Variants in RREB1 observed in about 807,000 individuals in gnomAD.
RREB1 encodes the protein ras-responsive element-binding protein 1.
In RREB1, 27 loss-of-function variants were observed where a neutral mutation model predicts 117.8. That is an observed-to-expected ratio of 0.23 (90% CI 0.17 to 0.32). The LOEUF (loss-of-function observed/expected upper bound fraction) is 0.32. Among genes scored for constraint, RREB1 ranks in the 10% least tolerant of loss-of-function variants. RREB1 has a pLI of 1.00. For synonymous variants in RREB1, 1,298 were observed against 1,026.7 expected (o/e 1.26, Z -5.05); for missense variants, 2,577 against 2,378.2 (o/e 1.08, Z -1.74).
chr6:7,141,530 A>G (rs1762589941), intron 1 of RREB1, among the ~76,000 whole-genome samples: 1 of 152,238 alleles, frequency 6.6e-6, no homozygotes, highest in East Asian at 1.9e-4. Context: ...TTAAATTTTC[A>G]CAAGATTTGC....
chr6:7,128,788 G>C (rs1212921245), intron 1 of RREB1, among the ~76,000 whole-genome samples: 1 of 152,146 alleles, frequency 6.6e-6, no homozygotes, highest in Admixed American at 6.5e-5. Context: ...GGCCAATATG[G>C]TGAAACCCCA....
Position 7,138,093 on chromosome 6 carries a change from C to T in RREB1, c.-285+30033C>T, listed in dbSNP as rs562797485. Among the ~76,000 whole-genome samples the T allele has an allele frequency of 3.7e-4, 56 of 152,218 alleles. 1 individual carries two copies. The highest frequency in any genetic ancestry group is 3.5e-3 in the South Asian group (17 of 4,816). ...CAGATGGCATTAGACACCCTTTGTG[C>T]ACTTTAACTCAAGGATGTTAAAGAC... is the stretch of plus-strand genomic sequence containing the variant. On this transcript the variant is annotated intron_variant, in intron 1 of 12. Transcript: ENST00000379938.
chr6:7,211,338 A>AGATGGATG (rs555086914), intron 7 of RREB1, among the ~76,000 whole-genome samples: 42,460 of 118,096 alleles, frequency 0.36, 8,100 homozygotes, highest in Non-Finnish European at 0.4. Flanking sequence ...ATGGATGGAC[A>AGATGGATG]GATGGATGGA....
chr6:7,160,677 CT>C (rs35328818), intron 1 of RREB1, among the ~76,000 whole-genome samples: 140 of 147,430 alleles, frequency 9.5e-4, no homozygotes, highest in African/African-American at 2.4e-3. Context: ...ACCTGGATAA[CT>C]TTTTTTTTTT....
intron 1 of RREB1, among the ~76,000 whole-genome samples, chr6:7,164,595 A>C (rs768700756): frequency 1.5e-4 from 23 of 152,190 alleles, no homozygotes; most frequent in African/African-American, 4.8e-4. Flanking sequence ...ATAAGTGACA[A>C]GCACAGTCTC....
chr6:7,216,303 ACTT>A (rs1766896510), intron 8 of RREB1: 3 of 152,058 alleles, frequency 2.0e-5, no homozygotes, highest in Admixed American at 6.6e-5. Context: ...TGGATGCAAA[ACTT>A]CTCCTTGGGA....
At chr6:7,121,475 C>T (rs953464864) in intron 1 of RREB1, among the ~76,000 whole-genome samples, 3 of 152,158 alleles carry the variant, frequency 2.0e-5, no homozygotes, top group African/African-American at 7.2e-5. Context: ...TCAGTGGTCA[C>T]CCGATGCCCT....
intron 10 of RREB1, 111 bp downstream of exon 10, chr6:7,232,018 T>C: frequency 8.4e-7 from 1 of 1,187,284 alleles, no homozygotes; most frequent in Non-Finnish European, 1.2e-6. Flanking sequence ...TATTCCTAGC[T>C]TGGCTTCTTC....
intron 9 of RREB1, 125 bp from the exon 10 acceptor site, chr6:7,228,872 A>G (rs922454032): frequency 2.3e-5 from 19 of 835,188 alleles, no homozygotes; most frequent in Non-Finnish European, 3.1e-5. Flanking sequence ...GGAACTCTTT[A>G]TGTTATGGGG....
rs747770556 is a variant in RREB1 at position 7,230,547 on chromosome 6, G to A, written c.2448G>A (p.Val816=). The A allele has an allele frequency of 6.9e-6, 11 of 1,598,384 alleles. No homozygotes were observed. The highest frequency in any genetic ancestry group is 9.4e-6 in the Non-Finnish European group (11 of 1,176,394). The change falls in exon 10 of 13, where the codon GTG becomes GTA. Residue 816 remains valine, a synonymous_variant. Coordinates refer to ENST00000379938, the MANE Select transcript of RREB1 (RefSeq NM_001003699.4). The part of the protein sequence containing the change: ...IHHILKQHLH[V]PEQDIESYVL... ...ACATCCTCAAGCAGCACCTGCACGT[G>A]CCCGAGCAGGACATCGAGAGCTACG...
At chr6:7,188,226 C>CGTGTGTGTGTGTGT (rs149501678) in intron 5 of RREB1, among the ~76,000 whole-genome samples, 15 of 149,298 alleles carry the variant, frequency 1.0e-4, no homozygotes, top group Non-Finnish European at 1.0e-4. Context: ...CCCCCCCACA[C>CGTGTGTGTGTGTGT]GTGTGTGTGT....
Position 7,240,615 on chromosome 6 carries a change from G to A in RREB1, c.3973+13G>A. The A allele has an allele frequency of 2.5e-6, 4 of 1,603,506 alleles. No individual in the cohort carries two copies. The highest frequency in any genetic ancestry group is 3.4e-6 in the Non-Finnish European group (4 of 1,173,354). On this transcript the variant is annotated intron_variant, in intron 11 of 12. Coordinates refer to ENST00000379938, the MANE Select transcript of RREB1 (RefSeq NM_001003699.4). Reference sequence around the variant, plus strand: ...CATGATAGCACAGGTAGTGCCGCCAGGTGAACAAGAACCCAGGAAGAGGGA... The same window carrying A: ...CATGATAGCACAGGTAGTGCCGCCAAGTGAACAAGAACCCAGGAAGAGGGA...
chr6:7,228,097 T>C (rs1561792688), intron 9 of RREB1, among the ~76,000 whole-genome samples: 2 of 152,152 alleles, frequency 1.3e-5, no homozygotes, highest in East Asian at 1.9e-4. Context: ...ATTATTTTTT[T>C]CCCCATTTTA....
At chr6:7,144,927 T>A (rs1349486782) in intron 1 of RREB1, among the ~76,000 whole-genome samples, 3 of 152,242 alleles carry the variant, frequency 2.0e-5, no homozygotes, top group African/African-American at 7.2e-5. Context: ...TCAGCGAGGT[T>A]ATGAAGGCCC....
rs1769101084 is a variant in RREB1, at chr6:7,246,928, C to T, written c.4478C>T (p.Ala1493Val). 2 of 1,556,160 alleles carry T rather than the reference C, an allele frequency of 1.3e-6. No individual in the cohort carries two copies. Among genetic ancestry groups the T allele is most frequent in the South Asian group, 2.4e-5 (2 of 84,740 alleles). The change falls in exon 12 of 13, where the codon GCC becomes GTC. Residue 1493 changes from alanine to valine, a missense_variant. Physicochemically the swap from Ala to Val is moderately conservative, Grantham distance 64. Transcript: ENST00000379938. Reference protein sequence around the residue: ...ASTAEEGPQPAPEQEEKPPET... With the variant: ...ASTAEEGPQPVPEQEEKPPET... Reference sequence around the variant, plus strand: ...ACTGCAGAGGAGGGGCCCCAGCCCGCCCCTGAACAGGAGGAGAAGCCCCCC... The same window carrying T: ...ACTGCAGAGGAGGGGCCCCAGCCCGTCCCTGAACAGGAGGAGAAGCCCCCC...
chr6:7,152,489 G>C (rs768957899), intron 1 of RREB1, among the ~76,000 whole-genome samples: 1 of 152,192 alleles, frequency 6.6e-6, no homozygotes, highest in Non-Finnish European at 1.5e-5. Context: ...AAGAAATTCA[G>C]CCTTTAGCAT....
rs544965766 is a variant in RREB1, at chr6:7,236,716, GA to G, written c.3809-3719del. Reference sequence around the variant, plus strand: ...CCTGATTGTCTTTGAAAAATGAACAGAAATGTTTTCAGTTCTGTTTTTTTTT... The same window carrying G: ...CCTGATTGTCTTTGAAAAATGAACAGAATGTTTTCAGTTCTGTTTTTTTTT... On this transcript the variant is annotated intron_variant, in intron 10 of 12. Transcript: ENST00000379938. 2.3e-3 allele frequency among the ~76,000 whole-genome samples: 341 copies of G among 150,968 alleles called. 2 individuals carry two copies. Among genetic ancestry groups the G allele is most frequent in the African/African-American group, 7.9e-3 (323 of 41,098 alleles).
chr6:7,227,558 T>G (rs1351040287), intron 9 of RREB1, among the ~76,000 whole-genome samples: 1 of 152,016 alleles, frequency 6.6e-6, no homozygotes, highest in Non-Finnish European at 1.5e-5. Flanking sequence ...AAAAATTTTT[T>G]TTTTAAATAA....
At chr6:7,197,248 T>A (rs1408263284) in intron 6 of RREB1, among the ~76,000 whole-genome samples, 1 of 152,228 alleles carries the variant, frequency 6.6e-6, no homozygotes, top group Non-Finnish European at 1.5e-5. Context: ...GGAAATTAAT[T>A]TTCACTTTGC....
Sources: allele counts gnomAD v4.1 joint callset (sites outside exome capture counted in the v4.1 genomes callset), GRCh38; gene constraint gnomAD v4.1.1; transcripts MANE v1.5; gene names NCBI Gene and HGNC (gene_info 2026-07-23, HGNC 2026-07-21).